Variants in KHDRBS2 observed in about 807,000 individuals in gnomAD.
KHDRBS2 encodes KH RNA binding domain containing, signal transduction associated 2.
Under a neutral mutation model 44.3 loss-of-function variants are expected in KHDRBS2, and 26 were observed. The observed-to-expected ratio is 0.59, with a 90% CI of 0.43 to 0.81. The LOEUF (loss-of-function observed/expected upper bound fraction) is 0.81. Ranked by LOEUF, KHDRBS2 falls within the 40% of genes least tolerant of loss-of-function variation. KHDRBS2 has a pLI of 0.00. For missense variants in KHDRBS2, 476 were observed against 433.1 expected (o/e 1.10, Z -0.88); for synonymous variants, 194 against 151.1 (o/e 1.28, Z -2.08).
intron 4 of KHDRBS2, among the ~76,000 whole-genome samples, chr6:61,971,704 T>C (rs535856403): frequency 6.6e-6 from 1 of 152,206 alleles, no homozygotes; most frequent in South Asian, 2.1e-4. Flanking sequence ...CTTGTTTGTA[T>C]GGTGGTGGTC....
At chr6:61,790,387 A>G (rs1053378441) in intron 6 of KHDRBS2, among the ~76,000 whole-genome samples, 14 of 148,838 alleles carry the variant, frequency 9.4e-5, no homozygotes, top group African/African-American at 3.0e-4. Flanking sequence ...AAGCTTTCAC[A>G]GTACACCTTA....
At chr6:62,098,142 A>C (rs937937520) in intron 2 of KHDRBS2, among the ~76,000 whole-genome samples, 1 of 151,840 alleles carries the variant, frequency 6.6e-6, no homozygotes, top group Non-Finnish European at 1.5e-5. Flanking sequence ...CCTTATCTTC[A>C]TTCTAAAGAT....
chr6:61,689,748 C>T (rs1010524988), intron 8 of KHDRBS2, among the ~76,000 whole-genome samples: 6 of 151,842 alleles, frequency 4.0e-5, no homozygotes, highest in Non-Finnish European at 8.8e-5. Context: ...TGTCTTTGTT[C>T]GTCTATTTTC....
chr6:61,912,529 T>C (rs1645129752), intron 4 of KHDRBS2, among the ~76,000 whole-genome samples: 1 of 152,144 alleles, frequency 6.6e-6, no homozygotes, highest in African/African-American at 2.4e-5. Flanking sequence ...TTCAAGCCTT[T>C]CTAGCAGGGG....
At chr6:61,800,973 C>T (rs920532253) in intron 6 of KHDRBS2, among the ~76,000 whole-genome samples, 1 of 152,110 alleles carries the variant, frequency 6.6e-6, no homozygotes, top group Non-Finnish European at 1.5e-5. Context: ...CCTGGCAGGA[C>T]ATCCTGGGTG....
chr6:61,547,839 C>T, the KHDRBS2 span, among the ~76,000 whole-genome samples: 6 of 152,010 alleles, frequency 3.9e-5, no homozygotes, highest in Admixed American at 1.3e-4. Context: ...TTCTTCTTCC[C>T]CAAAAAGTCC....
chr6:62,168,617 G>T (rs1309785931), intron 2 of KHDRBS2, among the ~76,000 whole-genome samples: 2 of 152,100 alleles, frequency 1.3e-5, no homozygotes, highest in Non-Finnish European at 2.9e-5. Context: ...TGTGGCACAA[G>T]AAAAAATGGA....
At chr6:62,158,946 T>C (rs1817035133) in intron 2 of KHDRBS2, among the ~76,000 whole-genome samples, 1 of 152,132 alleles carries the variant, frequency 6.6e-6, no homozygotes, top group African/African-American at 2.4e-5. Context: ...AGGAAAACTG[T>C]TCAAATGTAC....
Position 62,113,198 on chromosome 6 carries a change from C to G in KHDRBS2, c.219+63987G>C, listed in dbSNP as rs115464977. Reference sequence around the variant, plus strand: ...AACCCTCCCATTAAGAATGGACATTCTTTAAGCACATATTATGTCCCATAT... The same window carrying G: ...AACCCTCCCATTAAGAATGGACATTGTTTAAGCACATATTATGTCCCATAT... On this transcript the variant is annotated intron_variant, in intron 2 of 8. Transcript: ENST00000281156. 3.9e-3 allele frequency among the ~76,000 whole-genome samples: 587 copies of G among 152,144 alleles called. 5 individuals carry two copies. The highest frequency in any genetic ancestry group is 0.014 in the African/African-American group (568 of 41,540).
chr6:61,775,313 A>G (rs1781765363), intron 6 of KHDRBS2, among the ~76,000 whole-genome samples: 1 of 152,106 alleles, frequency 6.6e-6, no homozygotes. Flanking sequence ...AGCAGAAGGA[A>G]ATAAAGGGTA....
chr6:61,558,223 T>C, the KHDRBS2 span, among the ~76,000 whole-genome samples: 1 of 152,158 alleles, frequency 6.6e-6, no homozygotes, highest in African/African-American at 2.4e-5. Flanking sequence ...CATTATGTTG[T>C]TTATTTGAAG....
At chr6:61,636,814 G>A in the KHDRBS2 span, among the ~76,000 whole-genome samples, 1 of 152,002 alleles carries the variant, frequency 6.6e-6, no homozygotes, top group African/African-American at 2.4e-5. Context: ...TTAATCATCT[G>A]TAGTAGAATA....
intron 2 of KHDRBS2, among the ~76,000 whole-genome samples, chr6:62,093,735 T>C (rs1289138880): frequency 2.0e-5 from 3 of 151,912 alleles, no homozygotes; most frequent in Non-Finnish European, 4.4e-5. Flanking sequence ...AATAAACTCA[T>C]GTGGCATTTG....
At chr6:61,754,027 C>G (rs1310194939) in intron 6 of KHDRBS2, among the ~76,000 whole-genome samples, 2 of 152,038 alleles carry the variant, frequency 1.3e-5, no homozygotes, top group African/African-American at 4.8e-5. Context: ...AGGATTCTCC[C>G]CCAGATCCTC....
chr6:61,949,854 C>G (rs1764385148), intron 4 of KHDRBS2, among the ~76,000 whole-genome samples: 2 of 152,014 alleles, frequency 1.3e-5, no homozygotes, highest in Admixed American at 6.6e-5. Context: ...ATTATTTTAT[C>G]TCCCATTCTT....
At chr6:62,156,618 C>T (rs1816439814) in intron 2 of KHDRBS2, among the ~76,000 whole-genome samples, 1 of 152,112 alleles carries the variant, frequency 6.6e-6, no homozygotes, top group African/African-American at 2.4e-5. Context: ...AGGTACTCTT[C>T]TAAAAAGTTA....
chr6:61,736,086 AT>A (rs1188217102), intron 6 of KHDRBS2, among the ~76,000 whole-genome samples: 1 of 135,268 alleles, frequency 7.4e-6, no homozygotes, highest in Non-Finnish European at 1.6e-5. Flanking sequence ...ATGTCTCTCC[AT>A]TTTTTTTCTT....
intron 6 of KHDRBS2, among the ~76,000 whole-genome samples, chr6:61,855,786 G>A (rs914978707): frequency 6.6e-6 from 1 of 151,986 alleles, no homozygotes; most frequent in African/African-American, 2.4e-5. Context: ...CTTTGGCGGG[G>A]CAGTTCTGAA....
At chr6:62,096,781 T>C (rs1344797125) in intron 2 of KHDRBS2, among the ~76,000 whole-genome samples, 5 of 151,912 alleles carry the variant, frequency 3.3e-5, no homozygotes, top group African/African-American at 1.2e-4. Flanking sequence ...CTTGTTTTTC[T>C]AGTTCCTTGA....
Sources: gnomAD v4.1 joint callset for allele counts (sites outside exome capture counted in the v4.1 genomes callset) on GRCh38, gnomAD v4.1.1 for gene constraint, MANE v1.5 for transcripts, NCBI Gene and HGNC (gene_info 2026-07-23, HGNC 2026-07-21) for gene names.